Variants in SP4 observed in about 807,000 individuals in gnomAD.
SP4 encodes the protein transcription factor Sp4.
SP4 carries 19 observed loss-of-function variants against 72.8 expected under a neutral mutation model. The observed-to-expected ratio is 0.26, with a 90% CI of 0.18 to 0.38. The LOEUF (loss-of-function observed/expected upper bound fraction) is 0.38. Ranked by LOEUF, SP4 falls within the 10% of genes least tolerant of loss-of-function variation. SP4 has a pLI of 1.00. For missense variants in SP4, 1,008 were observed against 926.3 expected (o/e 1.09, Z -1.14); for synonymous variants, 395 against 333.1 (o/e 1.19, Z -2.02).
intron 3 of SP4, among the ~76,000 whole-genome samples, chr7:21,467,511 A>G (rs73685140): frequency 0.03 from 4,507 of 151,982 alleles, 99 homozygotes; most frequent in African/African-American, 0.057. Context: ...GTCATTCCCC[A>G]TTTCTCCTTT....
At chr7:21,461,279 A>G (rs1393041807) in intron 3 of SP4, among the ~76,000 whole-genome samples, 3 of 152,036 alleles carry the variant, frequency 2.0e-5, no homozygotes, top group Admixed American at 6.5e-5. Flanking sequence ...CAGGCCGTGC[A>G]GGAGCCCACG....
At chr7:21,428,303 TCTCC>T in intron 1 of SP4, 45 bp downstream of exon 1, 12 of 1,056,136 alleles carry the variant, frequency 1.1e-5, no homozygotes, top group Non-Finnish European at 1.7e-5. Flanking sequence ...CGCCTCCCTC[TCTCC>T]CTCCCTCCCC....
chr7:21,454,711 G>T (rs1346954186), intron 3 of SP4, among the ~76,000 whole-genome samples: 2 of 152,154 alleles, frequency 1.3e-5, no homozygotes, highest in African/African-American at 4.8e-5. Context: ...CCCAATACAT[G>T]TGGGCTCTCT....
At chr7:21,462,366 A>G (rs2282892) in intron 3 of SP4, among the ~76,000 whole-genome samples, 15,266 of 152,172 alleles carry the variant, frequency 0.1, 1,718 homozygotes, top group East Asian at 0.54. Context: ...GAGTCTTAAA[A>G]AAATAAAAAT....
chr7:21,455,168 G>C (rs1783723212), intron 3 of SP4, among the ~76,000 whole-genome samples: 1 of 152,132 alleles, frequency 6.6e-6, no homozygotes, highest in East Asian at 1.9e-4. Flanking sequence ...CTGTTCCAGT[G>C]GCTGAGCTTG....
intron 5 of SP4, among the ~76,000 whole-genome samples, chr7:21,501,471 A>G (rs1401716711): frequency 6.6e-6 from 1 of 152,136 alleles, no homozygotes; most frequent in Admixed American, 6.5e-5. Flanking sequence ...TAATAGTACC[A>G]GGTTATTTTG....
chr7:21,502,136 G>A (rs1259980530), intron 5 of SP4, among the ~76,000 whole-genome samples: 1 of 146,626 alleles, frequency 6.8e-6, no homozygotes, highest in Non-Finnish European at 1.5e-5. Flanking sequence ...GTGTATTTTC[G>A]GGTATCTTAT....
chr7:21,448,860 A>G (rs1365903526), intron 3 of SP4, among the ~76,000 whole-genome samples: 1 of 152,232 alleles, frequency 6.6e-6, no homozygotes, highest in Non-Finnish European at 1.5e-5. Flanking sequence ...CATGTTCAGT[A>G]AATAGCCAAT....
chr7:21,459,066 A>G (rs1783870477), intron 3 of SP4, among the ~76,000 whole-genome samples: 1 of 152,164 alleles, frequency 6.6e-6, no homozygotes, highest in African/African-American at 2.4e-5. Context: ...CCAGAGCTAG[A>G]CTGATTTAAA....
rs143476901 is a variant in SP4, at chr7:21,496,681, A to AT, written c.2108-14332dup. Among the ~76,000 whole-genome samples the AT allele has an allele frequency of 9.5e-3, 1,429 of 150,436 alleles. 15 individuals are homozygous for AT. The highest frequency in any genetic ancestry group is 0.032 in the African/African-American group (1,313 of 40,942). ...TGGATATGCAGATTATTATTTATTT[A>AT]TTTTTTTTTCAAATTGGGGAAGTTT... is the stretch of plus-strand genomic sequence containing the variant. On this transcript the variant is annotated intron_variant, in intron 5 of 5. Transcript: ENST00000222584.
At chr7:21,440,938 G>C (rs1295890598) in intron 3 of SP4, among the ~76,000 whole-genome samples, 2 of 152,184 alleles carry the variant, frequency 1.3e-5, no homozygotes, top group African/African-American at 4.8e-5. Context: ...AATGTCTGCT[G>C]TCTGATTAAC....
At chr7:21,481,859 T>G in intron 4 of SP4, 65 bp from the exon 5 acceptor site, 1 of 1,148,226 alleles carries the variant, frequency 8.7e-7, no homozygotes, top group Non-Finnish European at 1.3e-6. Context: ...TTCTTTTTAA[T>G]TTTTCTATAA....
intron 5 of SP4, among the ~76,000 whole-genome samples, chr7:21,490,854 A>G (rs1333283455): frequency 6.6e-6 from 1 of 152,246 alleles, no homozygotes; most frequent in Non-Finnish European, 1.5e-5. Flanking sequence ...TTGAAAAGTG[A>G]ATTAATGTTG....
chr7:21,503,653 A>G (rs1423854346), intron 5 of SP4, among the ~76,000 whole-genome samples: 1 of 152,200 alleles, frequency 6.6e-6, no homozygotes, highest in African/African-American at 2.4e-5. Flanking sequence ...TGGCTGTTGG[A>G]AGGGGAAAGG....
At chr7:21,451,038 A>G (rs1783579358) in intron 3 of SP4, among the ~76,000 whole-genome samples, 2 of 152,168 alleles carry the variant, frequency 1.3e-5, no homozygotes, top group African/African-American at 4.8e-5. Flanking sequence ...TACTTCTTGC[A>G]TGATTCTTCC....
chr7:21,449,658 A>G (rs1458185769), intron 3 of SP4, among the ~76,000 whole-genome samples: 1 of 152,210 alleles, frequency 6.6e-6, no homozygotes, highest in East Asian at 1.9e-4. Flanking sequence ...ATTCTCATCT[A>G]TAAGCTCCCT....
chr7:21,484,467 C>T (rs1784763164), intron 5 of SP4, among the ~76,000 whole-genome samples: 1 of 151,574 alleles, frequency 6.6e-6, no homozygotes, highest in Non-Finnish European at 1.5e-5. Context: ...GGATGCTCAC[C>T]CTGTGTTAGT....
At chr7:21,473,863 G>A (rs977272281) in intron 3 of SP4, among the ~76,000 whole-genome samples, 2 of 152,182 alleles carry the variant, frequency 1.3e-5, no homozygotes, top group Non-Finnish European at 2.9e-5. Flanking sequence ...TGAGCTCTGA[G>A]AAGTCAATAG....
chr7:21,438,070 A>G (rs923474419), intron 3 of SP4, among the ~76,000 whole-genome samples: 1 of 151,440 alleles, frequency 6.6e-6, no homozygotes, highest in African/African-American at 2.4e-5. Context: ...ATGTATATGC[A>G]CACACAAAGA....
Sources: allele counts gnomAD v4.1 joint callset (sites outside exome capture counted in the v4.1 genomes callset), GRCh38; gene constraint gnomAD v4.1.1; transcripts MANE v1.5; gene names NCBI Gene and HGNC (gene_info 2026-07-23, HGNC 2026-07-21).